The following CFTR variants were observed in gnomAD, a reference collection of about 807,000 sequenced individuals.
CFTR encodes the protein CF transmembrane conductance regulator.
In CFTR, 181 loss-of-function variants were observed where a neutral mutation model predicts 171.6. The observed-to-expected ratio is 1.05, with a 90% CI of 0.93 to 1.19. The LOEUF (loss-of-function observed/expected upper bound fraction) is 1.19, where lower values mean the gene tolerates loss of function less well. CFTR is among the 50% of genes most tolerant of loss of function. The probability of loss-of-function intolerance (pLI) is 0.00; values close to 1 mark genes in which losing one functional copy is unlikely to be tolerated. For synonymous variants in CFTR, 583 were observed against 608.0 expected (o/e 0.96, Z 0.60); for missense variants, 1,968 against 1,734.7 (o/e 1.13, Z -2.39).
chr7:117,587,934 A>G, intron 12 of CFTR, 101 bp downstream of exon 12: 2 of 781,710 alleles, frequency 2.6e-6, no homozygotes, highest in Non-Finnish European at 4.4e-6. Context: ...TGTTTCTGGA[A>G]TTGAAAAAAT....
chr7:117,625,258 C>T (rs943939479), intron 21 of CFTR, among the ~76,000 whole-genome samples: 16 of 152,138 alleles, frequency 1.1e-4, no homozygotes, highest in Admixed American at 9.2e-4. Context: ...TCACATTAAG[C>T]AGCTAGACAG....
At chr7:117,496,303 G>A (rs548059041) in intron 1 of CFTR, among the ~76,000 whole-genome samples, 9 of 152,116 alleles carry the variant, frequency 5.9e-5, no homozygotes, top group Non-Finnish European at 1.2e-4. Flanking sequence ...AGTCATAGGC[G>A]AAAGCGGTCC....
At position 117,480,124 on chromosome 7, in the gene CFTR, C is replaced by A; in HGVS notation, c.30C>A (p.Ser10Arg). 6.2e-7 allele frequency: 1 copy of A among 1,613,806 alleles called. No homozygotes were observed. Among genetic ancestry groups the A allele is most frequent in the Non-Finnish European group, 8.5e-7 (1 of 1,179,868 alleles). The part of the protein sequence containing the change: MQRSPLEKA[S>R]VVSKLFFSWT... ...AGAGGTCGCCTCTGGAAAAGGCCAG[C>A]GTTGTCTCCAAACTTTTTTTCAGGT... is the stretch of plus-strand genomic sequence containing the variant. Residue 10 changes from serine to arginine, a missense_variant, in exon 1 of 27, where the codon AGC (serine) becomes AGA (arginine). Physicochemically the swap from Ser to Arg is moderately radical, Grantham distance 110. Coordinates refer to ENST00000003084, the MANE Select transcript of CFTR (RefSeq NM_000492.4).
intron 11 of CFTR, among the ~76,000 whole-genome samples, chr7:117,581,230 A>G (rs1791846583): frequency 6.6e-6 from 1 of 152,172 alleles, no homozygotes; most frequent in African/African-American, 2.4e-5. Context: ...GGCTACATAC[A>G]TACCAACTTC....
rs754857072 is a variant in CFTR at position 117,602,893 on chromosome 7, T to G, written c.2657+30T>G. The G allele has an allele frequency of 1.9e-6, 3 of 1,582,186 alleles. No homozygotes were observed. In the Admixed American group the frequency reaches 5.0e-5, roughly 26 times the overall value. ...GTATTCCATGTCCTATTGTGTAGATTGTGTTTTATTTCTGTTGATTAAATA... is the reference window on the plus strand; with the variant it reads ...GTATTCCATGTCCTATTGTGTAGATGGTGTTTTATTTCTGTTGATTAAATA... On this transcript the variant is annotated intron_variant, in intron 16 of 26. Transcript: ENST00000003084.
intron 1 of CFTR, among the ~76,000 whole-genome samples, chr7:117,497,068 C>T (rs1798252128): frequency 6.6e-6 from 1 of 151,940 alleles, no homozygotes; most frequent in African/African-American, 2.4e-5. Context: ...GTGTATGCTA[C>T]TTTAAAAAAT....
chr7:117,630,735 C>T (rs1291145413), intron 22 of CFTR, among the ~76,000 whole-genome samples: 1 of 152,172 alleles, frequency 6.6e-6, no homozygotes, highest in African/African-American at 2.4e-5. Flanking sequence ...AAGCCTTGGG[C>T]AGGTTCCCTC....
chr7:117,560,151 G>A (rs192826010), intron 11 of CFTR, among the ~76,000 whole-genome samples: 1 of 152,168 alleles, frequency 6.6e-6, no homozygotes, highest in East Asian at 1.9e-4. Flanking sequence ...TTGTATCCCT[G>A]GCTTTGAACA....
intron 3 of CFTR, among the ~76,000 whole-genome samples, chr7:117,526,349 ATG>A (rs1798779713): frequency 8.0e-6 from 1 of 125,652 alleles, no homozygotes; most frequent in East Asian, 2.3e-4. Flanking sequence ...AATCTCTGGG[ATG>A]CATTCAAAGC....
chr7:117,631,543 T>C (rs1792746316), intron 22 of CFTR, among the ~76,000 whole-genome samples: 2 of 152,140 alleles, frequency 1.3e-5, no homozygotes, highest in African/African-American at 4.8e-5. Flanking sequence ...TGGCCAGTGA[T>C]TTAATCAACC....
rs1799162379 is a variant in CFTR, at chr7:117,547,285, C to T, written c.1210-1356C>T. On this transcript the variant is annotated intron_variant, in intron 9 of 26. Coordinates refer to ENST00000003084, the MANE Select transcript of CFTR (RefSeq NM_000492.4). Reference sequence around the variant, plus strand: ...TTTTCAACATAGTTTTAAGTGGTGGCAAATGATGTAGTTTCTTGTGTATTT... The same window carrying T: ...TTTTCAACATAGTTTTAAGTGGTGGTAAATGATGTAGTTTCTTGTGTATTT... Among the ~76,000 whole-genome samples, 10 of 152,172 alleles carry T rather than the reference C, an allele frequency of 6.6e-5. No homozygotes were observed. The South Asian group carries it at 2.1e-3, about 32-fold the overall frequency.
At chr7:117,589,124 G>T (rs924715779) in intron 12 of CFTR, among the ~76,000 whole-genome samples, 1 of 151,990 alleles carries the variant, frequency 6.6e-6, no homozygotes, top group Non-Finnish European at 1.5e-5. Context: ...TTCTTATTCT[G>T]ATCAGAATGT....
chr7:117,615,785 T>A (rs909832770), intron 21 of CFTR, among the ~76,000 whole-genome samples: 1 of 151,878 alleles, frequency 6.6e-6, no homozygotes, highest in Admixed American at 6.6e-5. Context: ...GTTTAAAAAA[T>A]CAAATGCATA....
intron 11 of CFTR, among the ~76,000 whole-genome samples, chr7:117,561,719 G>A (rs1011816666): frequency 6.6e-5 from 10 of 152,034 alleles, no homozygotes; most frequent in East Asian, 1.9e-4. Flanking sequence ...CATATACTTC[G>A]GGAATTTGTG....
intron 24 of CFTR, among the ~76,000 whole-genome samples, chr7:117,658,377 T>G (rs1793214287): frequency 6.6e-6 from 1 of 152,172 alleles, no homozygotes; most frequent in African/African-American, 2.4e-5. Context: ...TATAATCATG[T>G]TTTTTTAATC....
At chr7:117,506,251 T>C (rs888573298) in intron 2 of CFTR, among the ~76,000 whole-genome samples, 4 of 152,154 alleles carry the variant, frequency 2.6e-5, no homozygotes, top group African/African-American at 9.7e-5. Flanking sequence ...GTTGTTGTTG[T>C]TGCTGTTGTT....
intron 10 of CFTR, among the ~76,000 whole-genome samples, chr7:117,549,719 G>GGA (rs2115906993): frequency 6.6e-6 from 1 of 152,180 alleles, no homozygotes; most frequent in African/African-American, 2.4e-5. Flanking sequence ...GTGAGAAAAA[G>GGA]TTTAGTGGTC....
At chr7:117,495,539 G>A (rs959639319) in intron 1 of CFTR, among the ~76,000 whole-genome samples, 1 of 152,042 alleles carries the variant, frequency 6.6e-6, no homozygotes. Context: ...CGATACTATT[G>A]CTCTTACAAC....
At chr7:117,663,840 C>T (rs980470087) in intron 24 of CFTR, among the ~76,000 whole-genome samples, 4 of 152,126 alleles carry the variant, frequency 2.6e-5, no homozygotes, top group African/African-American at 7.2e-5. Context: ...ACATTTAATG[C>T]ACATTTATTT....
Sources: allele counts gnomAD v4.1 joint callset (sites outside exome capture counted in the v4.1 genomes callset), GRCh38; gene constraint gnomAD v4.1.1; transcripts MANE v1.5; gene names NCBI Gene and HGNC (gene_info 2026-07-23, HGNC 2026-07-21).